Variants in TSPAN1 observed in about 807,000 individuals in gnomAD.
The protein encoded by TSPAN1 is tetraspanin 1, also known as tetraspanin-1.
TSPAN1 carries 23 observed loss-of-function variants against 26.9 expected under a neutral mutation model. The observed-to-expected ratio is 0.85, with a 90% CI of 0.62 to 1.21. The LOEUF (loss-of-function observed/expected upper bound fraction) is 1.21, where lower values mean the gene tolerates loss of function less well. TSPAN1 is among the 50% of genes most tolerant of loss of function. The pLI is 0.00. For missense variants in TSPAN1, 283 were observed against 298.4 expected, an observed-to-expected ratio of 0.95 and a Z score of 0.38; for synonymous variants, 115 against 114.8, an observed-to-expected ratio of 1.00 and a Z score of -0.01.
At chr1:46,193,109 A>G in the TSPAN1 span, 1 of 1,611,010 alleles carries the variant, frequency 6.2e-7, no homozygotes, top group Non-Finnish European at 8.5e-7. Flanking sequence ...GCCACGTAAC[A>G]GGCCCAGACC....
downstream of TSPAN1, chr1:46,188,638 C>T (rs533397859): frequency 2.3e-5 from 36 of 1,534,066 alleles, no homozygotes; most frequent in African/African-American, 3.9e-4. Flanking sequence ...CCACCACTTC[C>T]CTCCAGCACC....
At chr1:46,189,512 A>G (rs1364587778), downstream of TSPAN1, 1 of 1,613,700 alleles carries the variant, frequency 6.2e-7, no homozygotes, top group Non-Finnish European at 8.5e-7. Context: ...CTTCCGAAAC[A>G]ATCTCCACAG....
the TSPAN1 span, chr1:46,195,392 T>G: frequency 2.7e-6 from 1 of 373,284 alleles, no homozygotes; most frequent in South Asian, 2.2e-5. Flanking sequence ...TTCCTCAGCT[T>G]TCTGCTCACA....
At chr1:46,180,182 T>C (rs1385969148) in intron 1 of TSPAN1, among the ~76,000 whole-genome samples, 1 of 152,188 alleles carries the variant, frequency 6.6e-6, no homozygotes, top group African/African-American at 2.4e-5. Flanking sequence ...TATGAACATA[T>C]GGATGGCAGC....
chr1:46,190,682 C>T (rs551153994), downstream of TSPAN1: 3 of 1,582,632 alleles, frequency 1.9e-6, no homozygotes, highest in Non-Finnish European at 2.6e-6. Context: ...CTCCAAATCT[C>T]CTAGATATCC....
At chr1:46,192,830 C>T in the TSPAN1 span, 37 of 1,605,260 alleles carry the variant, frequency 2.3e-5, no homozygotes, top group Non-Finnish European at 3.1e-5. Flanking sequence ...AGAAAGCTCT[C>T]TAGGACACCT....
chr1:46,176,517 AG>A, intron 1 of TSPAN1: 1 of 1,530,572 alleles, frequency 6.5e-7, no homozygotes, highest in Non-Finnish European at 8.7e-7. Flanking sequence ...GCTGTTGGCC[AG>A]GGTAGCTGAG....
downstream of TSPAN1, chr1:46,188,841 G>T: frequency 6.2e-7 from 1 of 1,612,884 alleles, no homozygotes; most frequent in Non-Finnish European, 8.5e-7. Context: ...CATGGGTTGG[G>T]CACAGCAGTT....
chr1:46,194,638 C>T, the TSPAN1 span: 1 of 1,614,118 alleles, frequency 6.2e-7, no homozygotes, highest in African/African-American at 1.3e-5. Flanking sequence ...AATGTTTCTC[C>T]CCGAAGACAG....
chr1:46,190,887 A>G, downstream of TSPAN1: 1 of 1,085,236 alleles, frequency 9.2e-7, no homozygotes, highest in African/African-American at 1.5e-5. Context: ...GAAGTCCTAG[A>G]CCTGTAAAGA....
At chr1:46,186,683 T>TGA (rs71572609), downstream of TSPAN1, among the ~76,000 whole-genome samples, 17 of 142,838 alleles carry the variant, frequency 1.2e-4, no homozygotes, top group Non-Finnish European at 2.3e-4. Flanking sequence ...TTTTTTTTTT[T>TGA]GAGAGAGTCT....
chr1:46,189,851 C>A (rs756847619), downstream of TSPAN1: 1 of 1,613,736 alleles, frequency 6.2e-7, no homozygotes, highest in South Asian at 1.1e-5. Flanking sequence ...GGTATTGGAG[C>A]ACCTTGGCAA....
rs1274120118 is a variant in TSPAN1, at chr1:46,180,673, A to T, written c.-9+15A>T. 1 of 172,208 alleles carries T rather than the reference A, an allele frequency of 5.8e-6. No individual in the cohort carries two copies. The highest frequency in any genetic ancestry group is 1.2e-5 in the Non-Finnish European group (1 of 81,398). The allele number at this position is 172,208 out of a possible 1,614,324, so 10.7% of individuals were successfully genotyped here. On this transcript the variant is annotated intron_variant, in intron 2 of 8. Transcript: ENST00000372003. Reference sequence around the variant, plus strand: ...GCCCTGAACAGGTAATGGGATAGGGATACAGATTATCCTGTGAAGTGATAT... The same window carrying T: ...GCCCTGAACAGGTAATGGGATAGGGTTACAGATTATCCTGTGAAGTGATAT...
In TSPAN1 at chr1:46,180,025, C is replaced by T. The variant is rs145632392; in HGVS notation, c.-141-501C>T. On this transcript the variant is annotated intron_variant, in intron 1 of 8. Coordinates refer to ENST00000372003, the MANE Select transcript of TSPAN1 (RefSeq NM_005727.4). The stretch of plus-strand genomic sequence containing the variant: ...TGTGAGTGAAAGAGATACTTAAGTA[C>T]GTACATCAGATATTATTCTGTTGTT... Among the ~76,000 whole-genome samples the T allele has an allele frequency of 2.0e-3, 291 of 148,492 alleles. 2 individuals are homozygous for T. Among genetic ancestry groups the T allele is most frequent in the African/African-American group, 7.4e-3 (282 of 38,250 alleles).
the TSPAN1 span, chr1:46,194,753 C>A: frequency 6.2e-7 from 1 of 1,613,754 alleles, no homozygotes; most frequent in Non-Finnish European, 8.5e-7. Flanking sequence ...GCCACTGGCT[C>A]CTATTTGTTC....
At chr1:46,191,306 G>C in the TSPAN1 span, 542 of 202,186 alleles carry the variant, frequency 2.7e-3, 1 homozygote, top group Middle Eastern at 4.2e-3. Flanking sequence ...CTTTGGGCTG[G>C]GCTGGCTCAA....
chr1:46,188,760 G>A, downstream of TSPAN1: 1 of 1,612,540 alleles, frequency 6.2e-7, no homozygotes, highest in Middle Eastern at 1.7e-4. Flanking sequence ...AGGCTGAGAG[G>A]AGGCCTGGTC....
the TSPAN1 span, chr1:46,194,217 G>T: frequency 6.2e-7 from 1 of 1,613,710 alleles, no homozygotes; most frequent in Non-Finnish European, 8.5e-7. Context: ...CATTCCTGGG[G>T]CCCCCCTGCT....
In TSPAN1 at chr1:46,181,539, T is replaced by A. The variant is rs185456819; in HGVS notation, c.57+375T>A. Reference sequence around the variant, plus strand: ...AAGTTTACCTACCACAGAAGGAAATTCAGTACAGAGGAAATTCTTCTGTAT... The same window carrying A: ...AAGTTTACCTACCACAGAAGGAAATACAGTACAGAGGAAATTCTTCTGTAT... On this transcript the variant is annotated intron_variant, in intron 3 of 8. Coordinates refer to ENST00000372003, the MANE Select transcript of TSPAN1 (RefSeq NM_005727.4). Among the ~76,000 whole-genome samples, 17 of 152,302 alleles carry A rather than the reference T, an allele frequency of 1.1e-4. No homozygotes were observed. In the East Asian group the frequency reaches 3.3e-3, roughly 29 times the overall value.
Sources: gnomAD v4.1 joint callset for allele counts (sites outside exome capture counted in the v4.1 genomes callset) on GRCh38, gnomAD v4.1.1 for gene constraint, MANE v1.5 for transcripts, NCBI Gene and HGNC (gene_info 2026-07-23, HGNC 2026-07-21) for gene names.